Variants in MAN1C1 observed in about 807,000 individuals in gnomAD.
MAN1C1 encodes mannosidase alpha class 1C member 1, also known as mannosyl-oligosaccharide 1,2-alpha-mannosidase IC.
In MAN1C1, 49 loss-of-function variants were observed where a neutral mutation model predicts 71.5. That is an observed-to-expected ratio of 0.69 (90% CI 0.54 to 0.87). MAN1C1 has a LOEUF of 0.87. MAN1C1 is among the 40% of genes least tolerant of loss of function. The pLI, the probability that MAN1C1 is intolerant of heterozygous loss-of-function variation, is 0.00. For synonymous variants in MAN1C1, 352 were observed against 343.7 expected (o/e 1.02, Z -0.27); for missense variants, 743 against 835.0 (o/e 0.89, Z 1.36).
rs768427843 is a variant in MAN1C1, at chr1:25,778,206, T to C, written c.1359T>C (p.Cys453=). The C allele has an allele frequency of 6.2e-6, 10 of 1,613,564 alleles. No individual in the cohort carries two copies. The South Asian group carries it at 1.1e-4, about 18-fold the overall frequency. Residue 453 remains cysteine, a synonymous_variant, in exon 9 of 12, where the codon TGT becomes TGC. Coordinates refer to ENST00000374332, the MANE Select transcript of MAN1C1 (RefSeq NM_020379.4). This position sits in a 1 kb window ranked among gnomAD's most constrained non-coding sequence, Gnocchi z 5.5. The part of the protein sequence containing the change: ...ILDHKMGHLA[C]FSGGMIALGA... The stretch of plus-strand genomic sequence containing the variant: ...ACCACAAGATGGGGCACCTGGCCTG[T>C]TTCTCCGGGGGCATGATCGCCCTTG...
chr1:25,622,080 AG>A (rs1268746818), intron 1 of MAN1C1, among the ~76,000 whole-genome samples: 1 of 152,158 alleles, frequency 6.6e-6, no homozygotes, highest in African/African-American at 2.4e-5. Flanking sequence ...AACCACAGAA[AG>A]GGCTCCTTCC....
chr1:25,620,576 G>GATA (rs1396820026), intron 1 of MAN1C1, among the ~76,000 whole-genome samples: 7 of 152,198 alleles, frequency 4.6e-5, no homozygotes, highest in African/African-American at 1.7e-4. Context: ...GTCATGCCCA[G>GATA]GGGTAGATCA....
chr1:25,759,813 G>A (rs1299057239), intron 6 of MAN1C1: 1 of 152,182 alleles, frequency 6.6e-6, no homozygotes, highest in Non-Finnish European at 1.5e-5. Context: ...CTCAAGAAGA[G>A]CTGTTCAGCC....
At chr1:25,739,765 G>A (rs1189560438) in intron 2 of MAN1C1, among the ~76,000 whole-genome samples, 1 of 152,206 alleles carries the variant, frequency 6.6e-6, no homozygotes, top group Admixed American at 6.5e-5. Context: ...AGCCTGGTGG[G>A]AGGGTCTTTG....
chr1:25,627,091 A>G (rs376994714), intron 1 of MAN1C1, among the ~76,000 whole-genome samples: 1 of 152,090 alleles, frequency 6.6e-6, no homozygotes, highest in African/African-American at 2.4e-5. Flanking sequence ...ACTATTTGCT[A>G]TTTAGATGTC....
chr1:25,640,260 T>C (rs934264327), intron 1 of MAN1C1, among the ~76,000 whole-genome samples: 5 of 152,192 alleles, frequency 3.3e-5, no homozygotes, highest in African/African-American at 7.2e-5. Context: ...TTGGGATGGG[T>C]GAAGGTGTTG....
At chr1:25,731,860 C>T (rs2982294) in intron 2 of MAN1C1, among the ~76,000 whole-genome samples, 4,857 of 152,302 alleles carry the variant, frequency 0.032, 259 homozygotes, top group African/African-American at 0.11. Context: ...CTCTCGGCTC[C>T]TGCTCTGTTC....
chr1:25,677,198 A>G (rs2046081144), intron 1 of MAN1C1, among the ~76,000 whole-genome samples: 1 of 152,238 alleles, frequency 6.6e-6, no homozygotes. Flanking sequence ...CTTTTGTTTG[A>G]GGAAGAACTG....
chr1:25,774,848 G>T (rs1347481211), intron 8 of MAN1C1, among the ~76,000 whole-genome samples: 1 of 151,268 alleles, frequency 6.6e-6, no homozygotes, highest in Non-Finnish European at 1.5e-5. Flanking sequence ...CTGGTCTTGT[G>T]CCCCACTTAG....
At chr1:25,734,377 C>T (rs1252350767) in intron 2 of MAN1C1, among the ~76,000 whole-genome samples, 2 of 152,228 alleles carry the variant, frequency 1.3e-5, no homozygotes, top group Non-Finnish European at 2.9e-5. Flanking sequence ...GATCCACCCA[C>T]CTCAGCCTTT....
chr1:25,649,577 A>G (rs1003684772), intron 1 of MAN1C1, among the ~76,000 whole-genome samples: 1 of 152,186 alleles, frequency 6.6e-6, no homozygotes, highest in African/African-American at 2.4e-5. Flanking sequence ...CTTTGTCCAT[A>G]TTAGCGGACC....
chr1:25,749,440 G>A (rs2047182814), intron 4 of MAN1C1, 105 bp downstream of exon 4: 3 of 995,014 alleles, frequency 3.0e-6, no homozygotes, highest in South Asian at 1.7e-5. Flanking sequence ...GGACTTAAGG[G>A]GGCAGGGATG....
At chr1:25,674,460 C>T (rs938925844) in intron 1 of MAN1C1, among the ~76,000 whole-genome samples, 1 of 152,148 alleles carries the variant, frequency 6.6e-6, no homozygotes, top group Non-Finnish European at 1.5e-5. Context: ...CATAATCATG[C>T]AGGGAAATAG....
chr1:25,700,719 A>C (rs1302817748), intron 2 of MAN1C1, among the ~76,000 whole-genome samples: 1 of 152,256 alleles, frequency 6.6e-6, no homozygotes, highest in Non-Finnish European at 1.5e-5. Context: ...CACAGATACT[A>C]GAATTTGAAT....
intron 7 of MAN1C1, among the ~76,000 whole-genome samples, chr1:25,768,081 CCA>C (rs780211602): frequency 0.023 from 1,711 of 75,612 alleles, 320 homozygotes; most frequent in African/African-American, 0.05. Context: ...ACACTCCCCC[CCA>C]CACACAGACC....
Position 25,764,069 on chromosome 1 carries a change from A to T in MAN1C1, c.1141+102A>T. On this transcript the variant is annotated intron_variant, in intron 7 of 11. Transcript: ENST00000374332. This position sits in a 1 kb window ranked among gnomAD's most constrained non-coding sequence, Gnocchi z 4.4. ...TGGGCTGAGTGAGGATGTGTCTGTC[A>T]GAGCCATGCAGCCAGCAAGGCATTC... The T allele has an allele frequency of 1.1e-6, 1 of 927,230 alleles. No individual in the cohort carries two copies. The highest frequency in any genetic ancestry group is 1.7e-6 in the Non-Finnish European group (1 of 583,006). 57.4% of individuals were successfully genotyped at this position (927,230 alleles called of 1,614,324 possible).
chr1:25,710,607 T>C (rs1362755635), intron 2 of MAN1C1, among the ~76,000 whole-genome samples: 1 of 152,198 alleles, frequency 6.6e-6, no homozygotes, highest in Non-Finnish European at 1.5e-5. Context: ...ATGGTTTGAT[T>C]TTCATGGAAA....
At chr1:25,771,318 C>G (rs183011121) in intron 7 of MAN1C1, among the ~76,000 whole-genome samples, 1 of 152,332 alleles carries the variant, frequency 6.6e-6, no homozygotes, top group Admixed American at 6.5e-5. Context: ...CTCCCTGCCA[C>G]CAGATTATCT....
intron 1 of MAN1C1, among the ~76,000 whole-genome samples, chr1:25,630,095 T>G (rs2124752767): frequency 6.6e-6 from 1 of 152,274 alleles, no homozygotes; most frequent in Admixed American, 6.5e-5. Flanking sequence ...TCCAGTTTCA[T>G]TCCTCTATGT....
Sources: allele counts gnomAD v4.1 joint callset (sites outside exome capture counted in the v4.1 genomes callset), GRCh38; gene constraint gnomAD v4.1.1; non-coding constraint Gnocchi (gnomAD v3.1); transcripts MANE v1.5; gene names NCBI Gene and HGNC (gene_info 2026-07-23, HGNC 2026-07-21).